Variants in SNRPN observed in about 807,000 individuals in gnomAD.
SNRPN encodes small nuclear ribonucleoprotein polypeptide N, also known as small nuclear ribonucleoprotein-associated protein N.
A neutral mutation model predicts 25.2 loss-of-function variants in SNRPN; 7 were observed. That is an observed-to-expected ratio of 0.28 (90% confidence interval 0.16 to 0.52). The LOEUF (loss-of-function observed/expected upper bound fraction) is 0.52. Ranked by LOEUF, SNRPN falls within the 20% of genes least tolerant of loss-of-function variation. The pLI, the probability that SNRPN is intolerant of heterozygous loss-of-function variation, is 0.96. For synonymous variants in SNRPN, 124 were observed against 110.6 expected, an observed-to-expected ratio of 1.12 and a Z score of -0.76; for missense variants, 196 against 322.5, an observed-to-expected ratio of 0.61 and a Z score of 3.00.
chr15:24,862,471 AAG>A lies in SNRPN; in HGVS notation c.-579+5761_-579+5762del, dbSNP rs1285820999. 2.7e-5 allele frequency among the ~76,000 whole-genome samples: 4 copies of A among 150,888 alleles called. 1 individual carries two copies. The highest frequency in any genetic ancestry group is 9.9e-5 in the African/African-American group (4 of 40,330). Reference sequence around the variant, plus strand: ...CAGGCACAAATCCTCTTCAGATTGAAAGAGAGATGGAGTGTCTAGGGAAGTAG... The same window carrying A: ...CAGGCACAAATCCTCTTCAGATTGAAAGAGATGGAGTGTCTAGGGAAGTAG... On this transcript the variant is annotated intron_variant, in intron 1 of 11. Coordinates refer to the SNRPN transcript ENST00000400097.
intron 2 of SNRPN, among the ~76,000 whole-genome samples, chr15:24,893,714 C>A (rs185320644): frequency 6.6e-6 from 1 of 152,024 alleles, no homozygotes; most frequent in East Asian, 1.9e-4. Context: ...AAAAATGTAC[C>A]CGTTACAAGT....
At chr15:24,936,280 C>A (rs529200769) in intron 3 of SNRPN, among the ~76,000 whole-genome samples, 1 of 152,150 alleles carries the variant, frequency 6.6e-6, no homozygotes, top group African/African-American at 2.4e-5. Flanking sequence ...GCTTAATTTG[C>A]TGCTTGGCAT....
At chr15:24,971,877 T>C (rs2076447413) in intron 3 of SNRPN, among the ~76,000 whole-genome samples, 1 of 152,230 alleles carries the variant, frequency 6.6e-6, no homozygotes, top group South Asian at 2.1e-4. Flanking sequence ...ATCACCACAG[T>C]AAGATCTGTC....
At chr15:24,969,130 A>T (rs2076071334) in intron 3 of SNRPN, among the ~76,000 whole-genome samples, 1 of 151,750 alleles carries the variant, frequency 6.6e-6, no homozygotes. Context: ...TGAGTTATTA[A>T]TTAATTTATT....
chr15:24,918,679 C>T (rs2059758490), intron 2 of SNRPN, among the ~76,000 whole-genome samples: 1 of 86,456 alleles, frequency 1.2e-5, no homozygotes, highest in Non-Finnish European at 2.1e-5. Flanking sequence ...TATATGTGTG[C>T]ATATATATAA....
At chr15:24,951,079 C>A (rs191788695), upstream of SNRPN, among the ~76,000 whole-genome samples, 10 of 152,022 alleles carry the variant, frequency 6.6e-5, no homozygotes, top group Non-Finnish European at 1.0e-4. Flanking sequence ...AGGCTGATCA[C>A]GAACCTCCTG....
At chr15:24,913,504 G>A (rs566916854) in intron 2 of SNRPN, among the ~76,000 whole-genome samples, 11 of 152,198 alleles carry the variant, frequency 7.2e-5, no homozygotes, top group East Asian at 1.9e-4. Flanking sequence ...TTAGCCAGGC[G>A]TGGTGGCACA....
chr15:24,843,901 A>G (rs2051942325), intron 2 of SNRPN, among the ~76,000 whole-genome samples: 1 of 151,368 alleles, frequency 6.6e-6, no homozygotes, highest in Non-Finnish European at 1.5e-5. Flanking sequence ...TGAACCTGGG[A>G]GGCAGAGGTT....
chr15:24,913,508 TG>T (rs2059342736), intron 2 of SNRPN, among the ~76,000 whole-genome samples: 1 of 152,110 alleles, frequency 6.6e-6, no homozygotes, highest in Non-Finnish European at 1.5e-5. Flanking sequence ...CCAGGCGTGG[TG>T]GCACATGCCT....
At chr15:24,949,915 C>T (rs905257850) in intron 3 of SNRPN, among the ~76,000 whole-genome samples, 4 of 151,626 alleles carry the variant, frequency 2.6e-5, no homozygotes, top group Admixed American at 6.6e-5. Flanking sequence ...GCAGCCTCAA[C>T]CTCCCTGGCT....
intron 1 of SNRPN, among the ~76,000 whole-genome samples, chr15:24,865,777 A>G (rs755972932): frequency 7.2e-5 from 11 of 151,782 alleles, no homozygotes; most frequent in Non-Finnish European, 1.3e-4. Flanking sequence ...CATTCTTATG[A>G]TCTCTATTTT....
chr15:24,880,642 G>A (rs1448815101), intron 1 of SNRPN, among the ~76,000 whole-genome samples: 1 of 152,102 alleles, frequency 6.6e-6, no homozygotes, highest in Admixed American at 6.5e-5. Context: ...GGAGCCTGAT[G>A]AATTTTTTAA....
At chr15:24,878,157 A>G (rs561436149) in intron 1 of SNRPN, among the ~76,000 whole-genome samples, 1 of 152,332 alleles carries the variant, frequency 6.6e-6, no homozygotes, top group Admixed American at 6.5e-5. Flanking sequence ...TCTTAGGTTA[A>G]AGCCTTGTTA....
intron 7 of SNRPN, 92 bp from the exon 8 acceptor site, chr15:24,977,685 GT>G: frequency 3.2e-6 from 4 of 1,240,278 alleles, no homozygotes; most frequent in Middle Eastern, 2.0e-4. Flanking sequence ...ACAGTTGTTT[GT>G]AACTAATTGG....
chr15:24,964,776 C>T (rs1352244675), intron 2 of SNRPN, among the ~76,000 whole-genome samples: 2 of 152,040 alleles, frequency 1.3e-5, no homozygotes, highest in Non-Finnish European at 2.9e-5. Flanking sequence ...CAGTTTTTTT[C>T]CTATGTAACC....
chr15:24,846,795 G>C (rs759845791), intron 2 of SNRPN, among the ~76,000 whole-genome samples: 1 of 152,136 alleles, frequency 6.6e-6, no homozygotes, highest in Non-Finnish European at 1.5e-5. Context: ...GTGTCAATAA[G>C]TTAGGATTTT....
intron 1 of SNRPN, among the ~76,000 whole-genome samples, chr15:24,882,526 A>T (rs1036361683): frequency 6.6e-6 from 1 of 152,150 alleles, no homozygotes; most frequent in African/African-American, 2.4e-5. Flanking sequence ...CCCATCATAA[A>T]TTGAAAGTAT....
chr15:24,977,891 C>A lies in SNRPN; in HGVS notation c.534C>A (p.Pro178=). The change falls in exon 8 of 10, where the codon CCC becomes CCA. Residue 178 remains proline, a synonymous_variant. Transcript: ENST00000390687. ...YPPGRGTPPP[P]VGRATPPPGI... is the part of the protein sequence containing the mutation. The stretch of plus-strand genomic sequence containing the variant: ...CAGGACGGGGCACTCCGCCCCCACC[C>A]GTCGGCAGAGCAACCCCACCTCCAG... 1 of 1,580,208 alleles carries A rather than the reference C, an allele frequency of 6.3e-7. No homozygotes were observed.
intron 3 of SNRPN, among the ~76,000 whole-genome samples, chr15:24,969,507 C>T (rs1247554109): frequency 3.9e-5 from 6 of 152,186 alleles, no homozygotes; most frequent in Non-Finnish European, 8.8e-5. Flanking sequence ...ACAACATTTT[C>T]TAGCAATTGC....
Sources: gnomAD v4.1 joint callset for allele counts (sites outside exome capture counted in the v4.1 genomes callset) on GRCh38, gnomAD v4.1.1 for gene constraint, MANE v1.5 for transcripts, NCBI Gene and HGNC (gene_info 2026-07-23, HGNC 2026-07-21) for gene names.